KCNB2: variants seen among roughly 807,000 people sequenced by gnomAD.
KCNB2 encodes delayed rectifier potassium channel protein.
Under a neutral mutation model 61.5 loss-of-function variants are expected in KCNB2, and 15 were observed. That is an observed-to-expected ratio of 0.24 (90% CI 0.16 to 0.38). KCNB2 has a LOEUF of 0.38. Among genes scored for constraint, KCNB2 ranks in the 10% least tolerant of loss-of-function variants. The pLI is 1.00. For synonymous variants in KCNB2, 457 were observed against 446.0 expected (o/e 1.02, Z -0.31); for missense variants, 828 against 1,125.2 (o/e 0.74, Z 3.78).
chr8:72,638,727 A>G (rs1806007867), intron 2 of KCNB2, among the ~76,000 whole-genome samples: 1 of 152,138 alleles, frequency 6.6e-6, no homozygotes, highest in Non-Finnish European at 1.5e-5. Flanking sequence ...AAGCCATTTA[A>G]TGCCATTTTC....
chr8:72,746,337 T>TAAGA (rs1808064885), intron 2 of KCNB2, among the ~76,000 whole-genome samples: 1 of 151,572 alleles, frequency 6.6e-6, no homozygotes, highest in Non-Finnish European at 1.5e-5. Context: ...TGAAAAGTGG[T>TAAGA]GAAAGGCAAC....
chr8:72,754,878 T>C (rs1466917893), intron 2 of KCNB2, among the ~76,000 whole-genome samples: 2 of 152,076 alleles, frequency 1.3e-5, no homozygotes, highest in Non-Finnish European at 2.9e-5. Flanking sequence ...ACCCACTCCT[T>C]GAGTGTAGGT....
intron 2 of KCNB2, among the ~76,000 whole-genome samples, chr8:72,732,731 T>C (rs1374380775): frequency 1.3e-5 from 2 of 152,196 alleles, no homozygotes; most frequent in Non-Finnish European, 2.9e-5. Context: ...ATGCTTGAGA[T>C]TAATATTAAG....
intron 2 of KCNB2, among the ~76,000 whole-genome samples, chr8:72,604,697 A>G (rs1207835444): frequency 2.6e-5 from 4 of 152,222 alleles, no homozygotes; most frequent in Non-Finnish European, 5.9e-5. Flanking sequence ...ACCCATTTAA[A>G]TTAACATTTT....
chr8:72,565,111 AT>A, intron 1 of KCNB2, among the ~76,000 whole-genome samples: 1 of 148,926 alleles, frequency 6.7e-6, no homozygotes. Context: ...AAAGATAAGC[AT>A]TTTTGTCATG....
intron 2 of KCNB2, among the ~76,000 whole-genome samples, chr8:72,820,244 C>G (rs528872136): frequency 6.6e-6 from 1 of 152,314 alleles, no homozygotes; most frequent in South Asian, 2.1e-4. Context: ...TTTATCTAGA[C>G]AGTAAGCCCA....
At position 72,857,970 on chromosome 8, in the gene KCNB2, C is replaced by T. The variant is rs548398133; in HGVS notation, c.580-77965C>T. Among the ~76,000 whole-genome samples the T allele has an allele frequency of 1.6e-4, 25 of 151,898 alleles. No homozygotes were observed. The South Asian group carries it at 5.2e-3, about 32-fold the overall frequency. ...AATGTCTACACTCTTTCCACTAGGC[C>T]AAGAAAAAAGGGAATTTTACTTAGC... On this transcript the variant is annotated intron_variant, in intron 2 of 2. Transcript: ENST00000523207.
chr8:72,614,821 G>T (rs1805593655), intron 2 of KCNB2, among the ~76,000 whole-genome samples: 1 of 152,188 alleles, frequency 6.6e-6, no homozygotes. Context: ...GAGGAGACAT[G>T]ATTTCCTTGG....
rs186911672 is a variant in KCNB2 at position 72,899,039 on chromosome 8, C to T, written c.580-36896C>T. On this transcript the variant is annotated intron_variant, in intron 2 of 2. Transcript: ENST00000523207. ...ACCACATTTTCCTTATCCAATCCAC[C>T]ATTGATGGGCACCTAGGCTTTAATC... Among the ~76,000 whole-genome samples the T allele has an allele frequency of 2.0e-3, 310 of 152,222 alleles. 1 individual carries two copies. Among genetic ancestry groups the T allele is most frequent in the Admixed American group, 8.6e-3 (131 of 15,272 alleles).
At chr8:72,838,464 G>A (rs1809820343) in intron 2 of KCNB2, among the ~76,000 whole-genome samples, 1 of 152,162 alleles carries the variant, frequency 6.6e-6, no homozygotes. Flanking sequence ...TGGCTGCATA[G>A]TATTCCATGG....
intron 2 of KCNB2, among the ~76,000 whole-genome samples, chr8:72,906,788 T>C (rs10102173): frequency 0.65 from 99,206 of 152,058 alleles, 33,856 homozygotes; most frequent in African/African-American, 0.75. Flanking sequence ...GTTGTGACCT[T>C]GTATTACCTG....
intron 2 of KCNB2, among the ~76,000 whole-genome samples, chr8:72,595,302 C>A (rs1807170202): frequency 6.6e-6 from 1 of 151,024 alleles, no homozygotes. Context: ...GAAATCCTTG[C>A]TAATTTCTTT....
intron 2 of KCNB2, among the ~76,000 whole-genome samples, chr8:72,701,503 G>A (rs1187114358): frequency 6.6e-6 from 1 of 151,944 alleles, no homozygotes; most frequent in Non-Finnish European, 1.5e-5. Context: ...GATGCAGTAT[G>A]AGCTGTGGTA....
intron 2 of KCNB2, among the ~76,000 whole-genome samples, chr8:72,792,638 T>C (rs958549030): frequency 6.6e-6 from 1 of 152,168 alleles, no homozygotes; most frequent in Non-Finnish European, 1.5e-5. Flanking sequence ...ATTTTAATTA[T>C]CCTGTGGTGG....
In KCNB2 at chr8:72,758,626, C is replaced by G. The variant is rs755531900; in HGVS notation, c.580-177309C>G. 3.9e-5 allele frequency among the ~76,000 whole-genome samples: 6 copies of G among 152,170 alleles called. 1 individual carries two copies. Among genetic ancestry groups the G allele is most frequent in the African/African-American group, 4.8e-5 (2 of 41,450 alleles). On this transcript the variant is annotated intron_variant, in intron 2 of 2. Coordinates refer to ENST00000523207, the MANE Select transcript of KCNB2 (RefSeq NM_004770.3). ...TGCTCCATGTTTATTACACAAACCT[C>G]TGAGTCTTCATTTCCATTTTGAAAG...
intron 1 of KCNB2, among the ~76,000 whole-genome samples, chr8:72,546,510 CTG>C (rs1414147863): frequency 3.1e-4 from 43 of 140,336 alleles, no homozygotes; most frequent in African/African-American, 1.2e-3. Flanking sequence ...GAGCAAGACT[CTG>C]TGTCAAAAAA....
At chr8:72,628,301 T>G (rs1042192337) in intron 2 of KCNB2, among the ~76,000 whole-genome samples, 1 of 152,010 alleles carries the variant, frequency 6.6e-6, no homozygotes, top group African/African-American at 2.4e-5. Flanking sequence ...CCTGTAGGAT[T>G]TTTTGCCCAG....
intron 2 of KCNB2, among the ~76,000 whole-genome samples, chr8:72,831,649 A>G (rs979139854): frequency 1.3e-5 from 2 of 152,260 alleles, no homozygotes; most frequent in Admixed American, 1.3e-4. Context: ...ATTAAAATAA[A>G]ACATTGCAAA....
intron 2 of KCNB2, among the ~76,000 whole-genome samples, chr8:72,651,330 A>G (rs1228674600): frequency 6.6e-6 from 1 of 152,160 alleles, no homozygotes; most frequent in East Asian, 1.9e-4. Context: ...TAGGGAGGCT[A>G]TTTGGACAGA....
Sources: gnomAD v4.1 joint callset for allele counts (sites outside exome capture counted in the v4.1 genomes callset) on GRCh38, gnomAD v4.1.1 for gene constraint, MANE v1.5 for transcripts, NCBI Gene and HGNC (gene_info 2026-07-23, HGNC 2026-07-21) for gene names.